PLEKHA4: variants seen among roughly 807,000 people sequenced by gnomAD.
PLEKHA4 encodes pleckstrin homology domain-containing family A member 4.
A neutral mutation model predicts 94.7 loss-of-function variants in PLEKHA4; 73 were observed. The observed-to-expected ratio is 0.77, with a 90% CI of 0.64 to 0.94. The LOEUF (loss-of-function observed/expected upper bound fraction) is 0.94, where lower values mean the gene tolerates loss of function less well. Among genes scored for constraint, PLEKHA4 ranks in the 40% least tolerant of loss-of-function variants. PLEKHA4 has a pLI of 0.00. For missense variants in PLEKHA4, 1,049 were observed against 1,054.1 expected, an observed-to-expected ratio of 1.00 and a Z score of 0.07; for synonymous variants, 449 against 437.1, an observed-to-expected ratio of 1.03 and a Z score of -0.34.
At chr19:48,846,477 C>G (rs916908079) in intron 14 of PLEKHA4, among the ~76,000 whole-genome samples, 12 of 151,200 alleles carry the variant, frequency 7.9e-5, no homozygotes, top group African/African-American at 2.9e-4. Flanking sequence ...ACAAAACAAA[C>G]GTTTTAGGCT....
chr19:48,860,303 C>T (rs2036584268), intron 6 of PLEKHA4, 47 bp downstream of exon 6: 1 of 1,516,574 alleles, frequency 6.6e-7, no homozygotes, highest in African/African-American at 1.4e-5. Context: ...GATGACGAGA[C>T]TGACTCAGGG....
At chr19:48,855,295 G>A (rs1356379464) in intron 9 of PLEKHA4, among the ~76,000 whole-genome samples, 1 of 149,790 alleles carries the variant, frequency 6.7e-6, no homozygotes, top group Non-Finnish European at 1.5e-5. Context: ...CCTTGTGTCT[G>A]CAAAAAAAAT....
chr19:48,859,530 T>C lies in PLEKHA4; in HGVS notation c.631A>G (p.Thr211Ala). ...TGGAGGTCGGTTGTGGGGCTGGGAG[T>C]GAGCAGCCTGGGTCTACCACGACCT... Reference protein sequence around the residue: ...SRGRGRPRLLTPSPTTDLHSG... With the variant: ...SRGRGRPRLLAPSPTTDLHSG... Residue 211 changes from threonine to alanine, a missense_variant, in exon 7 of 20, where the codon ACT (threonine) becomes GCT (alanine). Physicochemically the swap from Thr to Ala is moderately conservative, Grantham distance 58. Transcript: ENST00000263265. 1 of 1,613,486 alleles carries C rather than the reference T, an allele frequency of 6.2e-7. No homozygotes were observed.
Position 48,861,709 on chromosome 19 carries a change from G to A in PLEKHA4, c.193-17C>T. ...CGAGCTGTCCTGGGGAGAGAGATGG[G>A]AGGAGGGGCCTGAGTAAAGGGAAAC... On this transcript the variant is annotated splice_polypyrimidine_tract_variant and intron_variant, in intron 3 of 19. Transcript: ENST00000263265. The A allele has an allele frequency of 6.2e-7, 1 of 1,608,058 alleles. No homozygotes were observed. Among genetic ancestry groups the A allele is most frequent in the Non-Finnish European group, 8.5e-7 (1 of 1,174,494 alleles).
rs148436597 is a variant in PLEKHA4 at position 48,861,495 on chromosome 19, C to A, written c.272G>T (p.Arg91Leu). ...GACGCTGCCTAGGACACTCTCCTCGCGGCTGTCTGCAAAGAGGGGCTGGGG... is the reference window on the plus strand; with the variant it reads ...GACGCTGCCTAGGACACTCTCCTCGAGGCTGTCTGCAAAGAGGGGCTGGGG... Reference protein sequence around the residue: ...GHCLFYYKDSREESVLGSVLL... With the variant: ...GHCLFYYKDSLEESVLGSVLL... Residue 91 changes from arginine (R) to leucine (L), a missense_variant, in exon 5 of 20, where the codon CGC (arginine) becomes CTC (leucine). Transcript: ENST00000263265. 5.0e-6 allele frequency: 8 copies of A among 1,613,922 alleles called. No individual in the cohort carries two copies. Among genetic ancestry groups the A allele is most frequent in the South Asian group, 4.4e-5 (4 of 91,088 alleles).
intron 8 of PLEKHA4, among the ~76,000 whole-genome samples, chr19:48,857,905 G>T (rs555151228): frequency 6.7e-6 from 1 of 148,972 alleles, no homozygotes; most frequent in Admixed American, 6.7e-5. Flanking sequence ...ACCCAAGAAT[G>T]ATCAATAAAA....
chr19:48,859,479 T>C lies in PLEKHA4; in HGVS notation c.682A>G (p.Arg228Gly). ...LHSGLQMRRARSPDLFTPLSR... is the reference protein window; with the variant it reads ...LHSGLQMRRAGSPDLFTPLSR... ...GTCCTCCCTACTCACTCGGGGCTCC[T>C]CGCCCTCCGCATCTGGAGTCCAGAG... Residue 228 changes from arginine (R) to glycine (G), a missense_variant, in exon 7 of 20, where the codon AGG (arginine) becomes GGG (glycine). Coordinates refer to ENST00000263265, the MANE Select transcript of PLEKHA4 (RefSeq NM_020904.3). 6.2e-7 allele frequency: 1 copy of C among 1,613,742 alleles called. No homozygotes were observed. Among genetic ancestry groups the C allele is most frequent in the South Asian group, 1.1e-5 (1 of 91,068 alleles).
At position 48,859,453 on chromosome 19, in the gene PLEKHA4, T is replaced by C. The variant is rs763513051; in HGVS notation, c.692+16A>G. On this transcript the variant is annotated intron_variant, in intron 7 of 19. Transcript: ENST00000263265. ...TTCTCTTAGGCCACGCCCACAACCA[T>C]GTCCTCCCTACTCACTCGGGGCTCC... 1.2e-6 allele frequency: 2 copies of C among 1,612,642 alleles called. No homozygotes were observed. The highest frequency in any genetic ancestry group is 1.7e-6 in the Non-Finnish European group (2 of 1,179,570).
Position 48,838,113 on chromosome 19 carries a change from G to A in PLEKHA4, c.1981C>T (p.Pro661Ser), listed in dbSNP as rs1189918493. 5 of 1,613,322 alleles carry A rather than the reference G, an allele frequency of 3.1e-6. No individual in the cohort carries two copies. The East Asian group carries it at 6.7e-5, about 22-fold the overall frequency. ...GSWSSPRNTT[P>S]YLPTSEGHRE... is the part of the protein sequence containing the mutation. The stretch of plus-strand genomic sequence containing the variant: ...TGACCTTCGGAAGTCGGCAAGTAAG[G>A]GGTGGTGTTCCTTGGACTAGAAAAA... Residue 661 changes from proline to serine, a missense_variant, in exon 19 of 20, where the codon CCT becomes TCT. Physicochemically the swap from Pro to Ser is moderately conservative, Grantham distance 74 (BLOSUM62 -1). Coordinates refer to ENST00000263265, the MANE Select transcript of PLEKHA4 (RefSeq NM_020904.3).
intron 9 of PLEKHA4, among the ~76,000 whole-genome samples, chr19:48,856,312 G>C (rs1188500045): frequency 2.0e-5 from 3 of 150,554 alleles, no homozygotes; most frequent in African/African-American, 4.9e-5. Flanking sequence ...GGCCAGTCGC[G>C]GTGGCTCACG....
At chr19:48,844,185 C>T (rs1048294371) in intron 16 of PLEKHA4, among the ~76,000 whole-genome samples, 21 of 147,198 alleles carry the variant, frequency 1.4e-4, no homozygotes, top group Non-Finnish European at 2.8e-4. Context: ...GACAGAGTCT[C>T]GCTCTGTTGC....
intron 17 of PLEKHA4, 27 bp downstream of exon 17, chr19:48,841,122 G>A (rs779731232): frequency 1.4e-5 from 22 of 1,594,990 alleles, no homozygotes; most frequent in Admixed American, 3.5e-5. Context: ...CCACCCCACC[G>A]CCCAGCCCCA....
In PLEKHA4 at chr19:48,867,514, C is replaced by G. The variant is rs1346176297; in HGVS notation, c.84+23G>C. The stretch of plus-strand genomic sequence containing the variant: ...CGGCCCAGAGCCCCACCTTCCTCCC[C>G]ATCCCCGCCAGGAAGCTCAAACCTT... On this transcript the variant is annotated intron_variant, in intron 2 of 19. Coordinates refer to ENST00000263265, the MANE Select transcript of PLEKHA4 (RefSeq NM_020904.3). This position sits in a 1 kb window ranked among gnomAD's most constrained non-coding sequence, Gnocchi z 4.7. The G allele has an allele frequency of 6.3e-7, 1 of 1,576,474 alleles. No homozygotes were observed. Among genetic ancestry groups the G allele is most frequent in the Non-Finnish European group, 8.6e-7 (1 of 1,163,110 alleles).
chr19:48,863,885 G>A (rs1204079812), intron 3 of PLEKHA4, among the ~76,000 whole-genome samples: 1 of 152,100 alleles, frequency 6.6e-6, no homozygotes, highest in Non-Finnish European at 1.5e-5. Context: ...GTACTGCTTT[G>A]CAGAGAGTTT....
At chr19:48,859,188 A>T (rs1368057358) in intron 7 of PLEKHA4, 49 bp from the exon 8 acceptor site, 1 of 1,357,480 alleles carries the variant, frequency 7.4e-7, no homozygotes, top group Admixed American at 2.2e-5. Flanking sequence ...AGCCCTCTCC[A>T]TCCACCTCCT....
rs769888909 is a variant in PLEKHA4, at chr19:48,860,423, C to T, written c.403G>A (p.Ala135Thr). 3.1e-6 allele frequency: 5 copies of T among 1,613,974 alleles called. No individual in the cohort carries two copies. In the Admixed American group the frequency reaches 5.0e-5, roughly 16 times the overall value. ...CCCCGCAGGTCTTCTAAGGTGTCAG[C>T]GGCCAAAACGTAGGTCCTCATGCCC... ...HPGMRTYVLA[A>T]DTLEDLRGWL... is the part of the protein sequence containing the mutation. Residue 135 changes from alanine to threonine, a missense_variant, in exon 6 of 20, where the codon GCT becomes ACT. Physicochemically the swap from Ala to Thr is moderately conservative, Grantham distance 58 (BLOSUM62 0). Coordinates refer to ENST00000263265, the MANE Select transcript of PLEKHA4 (RefSeq NM_020904.3).
chr19:48,863,838 C>G (rs1382827177), intron 3 of PLEKHA4, among the ~76,000 whole-genome samples: 1 of 152,182 alleles, frequency 6.6e-6, no homozygotes, highest in East Asian at 1.9e-4. Flanking sequence ...TCCCGAAGTG[C>G]TGGGATTACA....
rs745707904 is a variant in PLEKHA4 at position 48,867,587 on chromosome 19, G to C, written c.34C>G (p.Leu12Val). 1 of 1,602,472 alleles carries C rather than the reference G, an allele frequency of 6.2e-7. No homozygotes were observed. The highest frequency in any genetic ancestry group is 8.5e-7 in the Non-Finnish European group (1 of 1,176,576). Residue 12 changes from leucine to valine, a missense_variant, in exon 2 of 20, where the codon CTG (leucine) becomes GTG (valine). Transcript: ENST00000263265. This position sits in a 1 kb window ranked among gnomAD's most constrained non-coding sequence, Gnocchi z 4.7. The part of the protein sequence containing the change: ...EGSRPRSSLS[L>V]ASSASTISSL... ...GAGATGGTGGAGGCGCTGCTGGCCA[G>C]GCTCAGGCTGCTGCGAGGTCGGCTC...
rs779634925 is a variant in PLEKHA4, at chr19:48,837,454, C to T, written c.2175G>A (p.Pro725=). ...ACCCCGTGGAACCCGAATTAGCCAC[C>T]GGGGGAGATCTGGGGGGAGGGGTCT... The part of the protein sequence containing the change: ...RQETPPPRSP[P]VANSGSTGFS... Residue 725 remains proline, a synonymous_variant, in exon 20 of 20, where the codon CCG becomes CCA. Coordinates refer to ENST00000263265, the MANE Select transcript of PLEKHA4 (RefSeq NM_020904.3). This position sits in a 1 kb window ranked among gnomAD's most constrained non-coding sequence, Gnocchi z 4.3. 38 of 1,613,134 alleles carry T rather than the reference C, an allele frequency of 2.4e-5. No individual in the cohort carries two copies. The highest frequency in any genetic ancestry group is 1.7e-4 in the Admixed American group (10 of 59,740).
Sources: allele counts gnomAD v4.1 joint callset (sites outside exome capture counted in the v4.1 genomes callset), GRCh38; gene constraint gnomAD v4.1.1; non-coding constraint Gnocchi (gnomAD v3.1); transcripts MANE v1.5; gene names NCBI Gene and HGNC (gene_info 2026-07-23, HGNC 2026-07-21).